Variants in PKHD1 observed in about 807,000 individuals in gnomAD.
PKHD1 encodes the protein PKHD1 ciliary IPT domain containing fibrocystin/polyductin.
A neutral mutation model predicts 412.0 loss-of-function variants in PKHD1; 291 were observed. That is an observed-to-expected ratio of 0.71 (90% CI 0.64 to 0.78). PKHD1 has a LOEUF of 0.78. Among genes scored for constraint, PKHD1 ranks in the 30% least tolerant of loss-of-function variants. The pLI is 0.00. For synonymous variants in PKHD1, 1,777 were observed against 1,821.5 expected, an observed-to-expected ratio of 0.98 and a Z score of 0.62; for missense variants, 4,825 against 4,950.7, an observed-to-expected ratio of 0.97 and a Z score of 0.76.
chr6:51,911,783 C>G lies in PKHD1; in HGVS notation c.6490+16G>C. On this transcript the variant is annotated intron_variant, in intron 39 of 66. Transcript: ENST00000371117. ...CTTTTTTGCTCATTAGACTTTCCAA[C>G]AAAACACTCTTCTACCTTCTGGAGC... is the stretch of plus-strand genomic sequence containing the variant. 6.2e-7 allele frequency: 1 copy of G among 1,608,822 alleles called. No homozygotes were observed. Among genetic ancestry groups the G allele is most frequent in the Non-Finnish European group, 8.5e-7 (1 of 1,175,754 alleles).
In PKHD1 at chr6:51,778,061, G is replaced by T. The variant is rs553024981; in HGVS notation, c.8441-2140C>A. Among the ~76,000 whole-genome samples, 3 of 152,180 alleles carry T rather than the reference G, an allele frequency of 2.0e-5. No individual in the cohort carries two copies. The East Asian group carries it at 5.8e-4, about 29-fold the overall frequency. ...GCAACATAAAAATGAAATGCTTCTT[G>T]AATGTGTAAAAGCTGATAAATGGAA... On this transcript the variant is annotated intron_variant, in intron 53 of 66. Coordinates refer to ENST00000371117, the MANE Select transcript of PKHD1 (RefSeq NM_138694.4).
Position 52,017,626 on chromosome 6 carries a change from G to A in PKHD1, c.5384C>T (p.Ser1795Phe). 7 of 1,612,158 alleles carry A rather than the reference G, an allele frequency of 4.3e-6. No homozygotes were observed. Among genetic ancestry groups the A allele is most frequent in the Non-Finnish European group, 5.9e-6 (7 of 1,178,886 alleles). ...CTTCAGGCCACACAGGAAGGCCAAG[G>A]ACACTGCAGGAAACAGTCACCATTA... ...FSCLVLPLDVSLAFLCGLKRE... is the reference protein window; with the variant it reads ...FSCLVLPLDVFLAFLCGLKRE... Residue 1795 changes from serine to phenylalanine, a missense_variant, in exon 34 of 67, where the codon TCC (serine) becomes TTC (phenylalanine). Ser to Phe is a radical substitution (Grantham distance 155, BLOSUM62 -2). Coordinates refer to ENST00000371117, the MANE Select transcript of PKHD1 (RefSeq NM_138694.4).
chr6:51,795,982 C>G (rs1251083642), intron 52 of PKHD1, among the ~76,000 whole-genome samples: 1 of 151,732 alleles, frequency 6.6e-6, no homozygotes, highest in Non-Finnish European at 1.5e-5. Context: ...CCGAATTTGT[C>G]TTATTGTCAG....
chr6:51,953,615 AG>A (rs1264288374), intron 36 of PKHD1, among the ~76,000 whole-genome samples: 3 of 152,018 alleles, frequency 2.0e-5, no homozygotes, highest in Non-Finnish European at 4.4e-5. Context: ...AGGCTGTGAT[AG>A]GTTCATCATT....
At chr6:52,066,516 A>G (rs921370795) in intron 11 of PKHD1, among the ~76,000 whole-genome samples, 14 of 152,068 alleles carry the variant, frequency 9.2e-5, no homozygotes, top group Non-Finnish European at 1.9e-4. Flanking sequence ...CACTGTCTTT[A>G]GGACCCTCCC....
rs574522843 is a variant in PKHD1, at chr6:52,072,385, C to T, written c.528-196G>A. Among the ~76,000 whole-genome samples the T allele has an allele frequency of 4.6e-5, 7 of 152,302 alleles. No individual in the cohort carries two copies. In the East Asian group the frequency reaches 1.2e-3, roughly 25 times the overall value. ...AGTAGGGATGCACTCATGGCTCATG[C>T]TTTCACACTAAACAGAAAATAGTTC... On this transcript the variant is annotated intron_variant, in intron 7 of 66. Coordinates refer to ENST00000371117, the MANE Select transcript of PKHD1 (RefSeq NM_138694.4).
intron 39 of PKHD1, among the ~76,000 whole-genome samples, chr6:51,911,460 GAGAATCTT>G (rs1179680130): frequency 6.6e-6 from 1 of 152,132 alleles, no homozygotes; most frequent in Non-Finnish European, 1.5e-5. Context: ...TGGCTTTCCT[GAGAATCTT>G]AGAAGTGGCC....
intron 23 of PKHD1, among the ~76,000 whole-genome samples, chr6:52,046,764 C>A (rs1156374440): frequency 1.3e-5 from 2 of 152,246 alleles, no homozygotes; most frequent in African/African-American, 2.4e-5. Context: ...GTATTTGAAC[C>A]CTGCTTTGTG....
chr6:51,923,919 G>A (rs1785122359), intron 37 of PKHD1, among the ~76,000 whole-genome samples: 1 of 152,120 alleles, frequency 6.6e-6, no homozygotes, highest in South Asian at 2.1e-4. Context: ...GAAGAAAATG[G>A]AATGAGTTTT....
At chr6:51,842,381 T>C (rs1770369390) in intron 50 of PKHD1, among the ~76,000 whole-genome samples, 1 of 152,108 alleles carries the variant, frequency 6.6e-6, no homozygotes, top group African/African-American at 2.4e-5. Context: ...TAATGCACCC[T>C]GCCACAACCC....
intron 48 of PKHD1, among the ~76,000 whole-genome samples, chr6:51,865,462 A>G (rs949976755): frequency 9.2e-5 from 14 of 152,332 alleles, no homozygotes; most frequent in African/African-American, 3.1e-4. Flanking sequence ...AAGGTTGCCA[A>G]TGTCAAACAA....
At chr6:51,643,858 C>G (rs184363260) in intron 63 of PKHD1, among the ~76,000 whole-genome samples, 16 of 151,870 alleles carry the variant, frequency 1.1e-4, no homozygotes, top group Admixed American at 3.9e-4. Flanking sequence ...AGTCCTCCCC[C>G]CAATCTCTGA....
At chr6:51,742,791 T>C (rs1218357291) in intron 60 of PKHD1, among the ~76,000 whole-genome samples, 1 of 152,162 alleles carries the variant, frequency 6.6e-6, no homozygotes, top group African/African-American at 2.4e-5. Context: ...TAATGTTAAG[T>C]ACCACGACTC....
chr6:51,727,002 G>A (rs748149575), intron 60 of PKHD1, among the ~76,000 whole-genome samples: 3 of 152,098 alleles, frequency 2.0e-5, no homozygotes, highest in Admixed American at 6.6e-5. Flanking sequence ...AGGAGAAGGC[G>A]GGAGAGATTC....
rs1285444924 is a variant in PKHD1 at position 51,618,073 on chromosome 6, G to A, written c.*1008C>T. The A allele has an allele frequency of 6.6e-6, 1 of 152,100 alleles. No homozygotes were observed. Among genetic ancestry groups the A allele is most frequent in the East Asian group, 1.9e-4 (1 of 5,184 alleles). The allele number at this position is 152,100 out of a possible 1,614,324, so 9.4% of individuals were successfully genotyped here. On this transcript the variant is annotated 3_prime_UTR_variant, in exon 67 of 67. Transcript: ENST00000371117. ...GGGCCCCGTACAAATGTGTGAATTT[G>A]GTGAAATTGCCTTTAACAACCTTAC...
intron 61 of PKHD1, among the ~76,000 whole-genome samples, chr6:51,651,997 A>G (rs1047139142): frequency 3.3e-5 from 5 of 152,172 alleles, no homozygotes; most frequent in Non-Finnish European, 7.3e-5. Context: ...GGGATTAGCA[A>G]CTTATTGCAA....
intron 43 of PKHD1, among the ~76,000 whole-genome samples, chr6:51,901,325 GA>G (rs1450099635): frequency 6.6e-6 from 1 of 152,182 alleles, no homozygotes; most frequent in Non-Finnish European, 1.5e-5. Flanking sequence ...ATATACCGTG[GA>G]ATACTATGCA....
At chr6:51,984,421 A>T (rs1795962006) in intron 35 of PKHD1, among the ~76,000 whole-genome samples, 1 of 152,244 alleles carries the variant, frequency 6.6e-6, no homozygotes, top group African/African-American at 2.4e-5. Context: ...AAAAAGAGGG[A>T]TTGAGTCTGA....
chr6:52,023,477 T>C (rs1019530330), intron 32 of PKHD1, among the ~76,000 whole-genome samples: 5 of 152,218 alleles, frequency 3.3e-5, no homozygotes, highest in East Asian at 1.9e-4. Context: ...AATTCCATTA[T>C]AGGGCCCTGC....
Sources: allele counts gnomAD v4.1 joint callset (sites outside exome capture counted in the v4.1 genomes callset), GRCh38; gene constraint gnomAD v4.1.1; transcripts MANE v1.5; gene names NCBI Gene and HGNC (gene_info 2026-07-23, HGNC 2026-07-21).